C13orf46: variants seen among roughly 807,000 people sequenced by gnomAD.
C13orf46 encodes the protein chromosome 13 open reading frame 46, also known as uncharacterized protein C13orf46.
chr13:113,951,632 C>T (rs1323814373), downstream of C13orf46, among the ~76,000 whole-genome samples: 1 of 151,058 alleles, frequency 6.6e-6, no homozygotes, highest in Admixed American at 6.7e-5. Context: ...CTCCCCAAGC[C>T]TCCTCCAGGC....
intron 6 of C13orf46, among the ~76,000 whole-genome samples, chr13:113,960,526 A>G (rs2052579023): frequency 6.6e-6 from 1 of 152,162 alleles, no homozygotes; most frequent in African/African-American, 2.4e-5. Context: ...CTGGGATAAC[A>G]ACTTTCTCCT....
intron 6 of C13orf46, among the ~76,000 whole-genome samples, 179 bp from the exon 7 acceptor site, chr13:113,957,018 C>A (rs1315129937): frequency 1.3e-5 from 2 of 151,846 alleles, no homozygotes; most frequent in African/African-American, 2.4e-5. Flanking sequence ...TGCATATGCA[C>A]CCCCGTTCAT....
chr13:113,946,161 T>C, the C13orf46 span, among the ~76,000 whole-genome samples: 1 of 152,236 alleles, frequency 6.6e-6, no homozygotes, highest in Non-Finnish European at 1.5e-5. Context: ...TGGTGACGGC[T>C]TTATTTGCGC....
intron 1 of C13orf46, among the ~76,000 whole-genome samples, chr13:113,972,391 T>C (rs1268540184): frequency 1.3e-5 from 2 of 152,204 alleles, no homozygotes; most frequent in African/African-American, 4.8e-5. Context: ...CTCTTAAAAT[T>C]GTCCCCAGGG....
intron 6 of C13orf46, among the ~76,000 whole-genome samples, chr13:113,961,108 C>G (rs945716296): frequency 6.6e-6 from 1 of 152,082 alleles, no homozygotes; most frequent in Admixed American, 6.6e-5. Flanking sequence ...TTGTTTTGAA[C>G]CTTTTGACAT....
At chr13:113,941,855 A>G in the C13orf46 span, among the ~76,000 whole-genome samples, 617 of 152,290 alleles carry the variant, frequency 4.1e-3, 10 homozygotes, top group East Asian at 0.049. Flanking sequence ...CTGTCCTCTG[A>G]GCAGTTCCTG....
At chr13:113,934,226 G>C in the C13orf46 span, among the ~76,000 whole-genome samples, 1 of 152,218 alleles carries the variant, frequency 6.6e-6, no homozygotes, top group Non-Finnish European at 1.5e-5. Context: ...CGATGCGTCG[G>C]ACACGCACCT....
downstream of C13orf46, among the ~76,000 whole-genome samples, chr13:113,952,366 C>T (rs995307497): frequency 8.9e-5 from 13 of 145,414 alleles, no homozygotes; most frequent in South Asian, 4.3e-4. Context: ...TGCCCAGGGC[C>T]GCTGTGTGGC....
chr13:113,963,948 T>G (rs1197540072), intron 6 of C13orf46, among the ~76,000 whole-genome samples: 1 of 152,184 alleles, frequency 6.6e-6, no homozygotes, highest in Non-Finnish European at 1.5e-5. Context: ...CCTCCTGGGT[T>G]CAAGCGATTC....
chr13:113,953,597 G>C (rs2138967356), downstream of C13orf46: 1 of 152,394 alleles, frequency 6.6e-6, no homozygotes, highest in Admixed American at 6.5e-5. Flanking sequence ...CCACTGCCAA[G>C]CTCCTGTGTC....
intron 1 of C13orf46, among the ~76,000 whole-genome samples, chr13:113,970,637 A>AC (rs1344634593): frequency 1.3e-5 from 2 of 152,074 alleles, no homozygotes; most frequent in African/African-American, 4.8e-5. Context: ...GCCGGCTACT[A>AC]CCCCCAACCC....
chr13:113,972,085 G>A (rs1304606589), intron 1 of C13orf46, among the ~76,000 whole-genome samples: 1 of 152,162 alleles, frequency 6.6e-6, no homozygotes, highest in African/African-American at 2.4e-5. Context: ...AATCCAGCAG[G>A]TGTTGAGGGA....
At chr13:113,938,278 A>G in the C13orf46 span, among the ~76,000 whole-genome samples, 1 of 152,164 alleles carries the variant, frequency 6.6e-6, no homozygotes, top group Non-Finnish European at 1.5e-5. Context: ...ACAGATTACC[A>G]CAAACCTAGT....
the C13orf46 span, among the ~76,000 whole-genome samples, chr13:113,930,443 G>C: frequency 6.6e-6 from 1 of 151,884 alleles, no homozygotes; most frequent in Non-Finnish European, 1.5e-5. Context: ...GGAGCACTGA[G>C]GCTGAGCTGT....
chr13:113,927,016 T>G, the C13orf46 span: 2 of 152,296 alleles, frequency 1.3e-5, no homozygotes, highest in African/African-American at 4.8e-5. Flanking sequence ...TCCCGAGAGC[T>G]TTGAGGGGTA....
intron 6 of C13orf46, among the ~76,000 whole-genome samples, chr13:113,958,480 G>C (rs1214758882): frequency 1.3e-5 from 2 of 152,180 alleles, no homozygotes; most frequent in Non-Finnish European, 2.9e-5. Flanking sequence ...ACCTGGGTCC[G>C]TGCCTTTTCC....
In C13orf46 at chr13:113,954,764, G is replaced by A. The variant is rs886631754; in HGVS notation, c.*2009C>T. On this transcript the variant is annotated 3_prime_UTR_variant, in exon 7 of 7. Coordinates refer to ENST00000636427, the MANE Select transcript of C13orf46 (RefSeq NM_001365455.2). ...CTGAGCAAGAGGCCAGGGCAGGAAG[G>A]GGCTGGAGTCCTCCAGCTGGTGGAG... is the stretch of plus-strand genomic sequence containing the variant. The A allele has an allele frequency of 3.2e-3, 631 of 199,430 alleles. 3 individuals carry two copies. The highest frequency in any genetic ancestry group is 4.2e-3 in the Non-Finnish European group (415 of 98,284). The allele number at this position is 199,430 out of a possible 1,614,324, so 12.4% of individuals were successfully genotyped here. A position where few individuals can be genotyped will look rare whatever the true frequency, so the allele number is the denominator to read the frequency against.
chr13:113,958,200 G>A (rs1462314759), intron 6 of C13orf46, among the ~76,000 whole-genome samples: 1 of 116,340 alleles, frequency 8.6e-6, no homozygotes, highest in East Asian at 2.8e-4. Context: ...TTCATCAAGT[G>A]CACTGGGGGT....
chr13:113,966,040 G>GTGA (rs1223944030), intron 5 of C13orf46, among the ~76,000 whole-genome samples: 1 of 149,648 alleles, frequency 6.7e-6, no homozygotes, highest in Non-Finnish European at 1.5e-5. Flanking sequence ...GATAGTGATG[G>GTGA]TGATGATGAT....
Sources: gnomAD v4.1 joint callset for allele counts (sites outside exome capture counted in the v4.1 genomes callset) on GRCh38, gnomAD v4.1.1 for gene constraint, MANE v1.5 for transcripts, NCBI Gene and HGNC (gene_info 2026-07-23, HGNC 2026-07-21) for gene names.